ACTA2: variants seen among roughly 807,000 people sequenced by gnomAD.
ACTA2 encodes the protein actin alpha 2, smooth muscle.
Under a neutral mutation model 39.5 loss-of-function variants are expected in ACTA2, and 12 were observed. The ratio of observed to expected loss-of-function variants is 0.30; its 90% CI spans 0.19 to 0.49. The LOEUF (loss-of-function observed/expected upper bound fraction) is 0.49, where lower values mean the gene tolerates loss of function less well. Ranked by LOEUF, ACTA2 falls within the 20% of genes least tolerant of loss-of-function variation. The probability of loss-of-function intolerance (pLI) is 0.99; values close to 1 mark genes in which losing one functional copy is unlikely to be tolerated. For missense variants in ACTA2, 236 were observed against 498.8 expected (o/e 0.47, Z 5.02); for synonymous variants, 158 against 180.6 (o/e 0.88, Z 1.00).
chr10:88,981,098 C>T (rs1173033629), intron 1 of ACTA2, among the ~76,000 whole-genome samples: 1 of 152,318 alleles, frequency 6.6e-6, no homozygotes, highest in East Asian at 1.9e-4. Flanking sequence ...AAGCAAAGGG[C>T]AGGCCCAGCA....
At chr10:88,980,928 A>T (rs529844417) in intron 1 of ACTA2, among the ~76,000 whole-genome samples, 1 of 152,338 alleles carries the variant, frequency 6.6e-6, no homozygotes, top group East Asian at 1.9e-4. Flanking sequence ...CTAAATTTGG[A>T]AAGGTCACAA....
chr10:88,984,829 C>T (rs185277627), intron 1 of ACTA2, among the ~76,000 whole-genome samples: 258 of 152,252 alleles, frequency 1.7e-3, no homozygotes, highest in African/African-American at 5.6e-3. Context: ...TAATGGGAGA[C>T]CATGGGAGGG....
chr10:88,944,031 A>G (rs972083621), intron 3 of ACTA2, 124 bp from the exon 4 acceptor site: 3 of 769,818 alleles, frequency 3.9e-6, no homozygotes, highest in Non-Finnish European at 6.6e-6. Context: ...GTACTCATGC[A>G]TGTGTCCATG....
rs372824072 is a variant in ACTA2 at position 88,938,148 on chromosome 10, T to C, written c.903A>G (p.Leu301=). 18 of 1,614,060 alleles carry C rather than the reference T, an allele frequency of 1.1e-5. No individual in the cohort carries two copies. Among genetic ancestry groups the C allele is most frequent in the African/African-American group, 1.1e-4 (8 of 75,038 alleles). ...CAGGGTACATAGTGGTGCCCCCTGA[T>C]AGGACATTGTTAGCATAGAGGTCCT... ...IRKDLYANNV[L]SGGTTMYPGI... The change falls in exon 8 of 9, where the codon CTA becomes CTG. Residue 301 remains leucine (L), a synonymous_variant. Coordinates refer to ENST00000224784, the MANE Select transcript of ACTA2 (RefSeq NM_001613.4).
At chr10:88,985,675 G>A (rs955925710) in intron 1 of ACTA2, among the ~76,000 whole-genome samples, 2 of 152,222 alleles carry the variant, frequency 1.3e-5, no homozygotes, top group African/African-American at 4.8e-5. Context: ...CCTGGCACTA[G>A]ATGGGCTTGG....
intron 1 of ACTA2, among the ~76,000 whole-genome samples, chr10:88,971,497 A>G (rs1164514354): frequency 6.6e-6 from 1 of 152,264 alleles, no homozygotes; most frequent in Non-Finnish European, 1.5e-5. Flanking sequence ...TGAGTGGCAG[A>G]CATATTTCCT....
At chr10:88,989,452 C>CT (rs768491064) in intron 1 of ACTA2, 2 of 540,550 alleles carry the variant, frequency 3.7e-6, no homozygotes, top group Non-Finnish European at 7.3e-6. Context: ...TATCCCACTT[C>CT]TTTTTGTGTC....
upstream of ACTA2, among the ~76,000 whole-genome samples, chr10:88,954,132 T>C (rs1157231328): frequency 2.0e-5 from 3 of 152,230 alleles, no homozygotes; most frequent in Non-Finnish European, 4.4e-5. Flanking sequence ...ATTTCTGGAC[T>C]GTGGACATGT....
chr10:88,977,552 GAA>G (rs1293223185), intron 1 of ACTA2, among the ~76,000 whole-genome samples: 5 of 151,728 alleles, frequency 3.3e-5, no homozygotes, highest in African/African-American at 1.2e-4. Context: ...AAATTTACAA[GAA>G]AAAAACAAAC....
At position 88,938,255 on chromosome 10, in the gene ACTA2, C is replaced by T; in HGVS notation, c.809-13G>A. ...GCAGACTCCATCCCTGGAAAAGAGA[C>T]ACAGGCCATGGTCCTTAAGTGGAGA... On this transcript the variant is annotated splice_polypyrimidine_tract_variant and intron_variant, in intron 7 of 8. Coordinates refer to ENST00000224784, the MANE Select transcript of ACTA2 (RefSeq NM_001613.4). 6.2e-7 allele frequency: 1 copy of T among 1,613,922 alleles called. No homozygotes were observed. The highest frequency in any genetic ancestry group is 1.1e-5 in the South Asian group (1 of 91,082).
chr10:88,989,041 A>C (rs1847013824), intron 1 of ACTA2, among the ~76,000 whole-genome samples: 1 of 152,222 alleles, frequency 6.6e-6, no homozygotes, highest in South Asian at 2.1e-4. Context: ...AGAATATCTA[A>C]GTTTAATTCC....
chr10:88,978,950 T>C (rs574023933), intron 1 of ACTA2, among the ~76,000 whole-genome samples: 2 of 151,848 alleles, frequency 1.3e-5, no homozygotes, highest in South Asian at 4.1e-4. Flanking sequence ...AATTTACTGT[T>C]TCTGGCACTG....
At chr10:88,949,073 C>T in intron 1 of ACTA2, 120 bp from the exon 2 acceptor site, 1 of 871,332 alleles carries the variant, frequency 1.1e-6, no homozygotes, top group South Asian at 1.4e-5. Flanking sequence ...GTGCTATCCT[C>T]TGACCCTTAT....
intron 1 of ACTA2, among the ~76,000 whole-genome samples, chr10:88,949,189 G>T (rs1162034022): frequency 6.6e-6 from 1 of 152,182 alleles, no homozygotes; most frequent in Non-Finnish European, 1.5e-5. Flanking sequence ...CAACCTTAGT[G>T]TAGTGACCGG....
chr10:88,941,527 G>C, intron 5 of ACTA2, 137 bp from the exon 6 acceptor site: 1 of 1,149,966 alleles, frequency 8.7e-7, no homozygotes, highest in Non-Finnish European at 1.3e-6. Flanking sequence ...CATGTGATAG[G>C]AGAGGTGAGG....
At chr10:88,978,765 T>C (rs1349073014) in intron 1 of ACTA2, among the ~76,000 whole-genome samples, 1 of 152,198 alleles carries the variant, frequency 6.6e-6, no homozygotes, top group Non-Finnish European at 1.5e-5. Flanking sequence ...AATCCTCTCT[T>C]CTACAAATTC....
intron 1 of ACTA2, among the ~76,000 whole-genome samples, chr10:88,981,951 A>G (rs563465909): frequency 2.0e-5 from 3 of 152,342 alleles, no homozygotes; most frequent in Admixed American, 2.0e-4. Flanking sequence ...AGTTACCTCT[A>G]TGTGAATCAG....
At chr10:88,947,786 G>A (rs951528688) in intron 2 of ACTA2, among the ~76,000 whole-genome samples, 2 of 152,166 alleles carry the variant, frequency 1.3e-5, no homozygotes, top group African/African-American at 2.4e-5. Flanking sequence ...GGCATTTTGT[G>A]TCTTATAAAT....
At chr10:88,942,930 C>A (rs1564645279) in intron 4 of ACTA2, among the ~76,000 whole-genome samples, 1 of 152,198 alleles carries the variant, frequency 6.6e-6, no homozygotes, top group African/African-American at 2.4e-5. Flanking sequence ...ATTTATGATT[C>A]TTCAATGCTG....
Sources: gnomAD v4.1 joint callset for allele counts (sites outside exome capture counted in the v4.1 genomes callset) on GRCh38, gnomAD v4.1.1 for gene constraint, MANE v1.5 for transcripts, NCBI Gene and HGNC (gene_info 2026-07-23, HGNC 2026-07-21) for gene names.